Variants in SORCS1 observed in about 807,000 individuals in gnomAD.
The protein encoded by SORCS1 is VPS10 domain-containing receptor SorCS1.
Under a neutral mutation model 146.1 loss-of-function variants are expected in SORCS1, and 60 were observed. The ratio of observed to expected loss-of-function variants is 0.41; its 90% CI spans 0.33 to 0.51. SORCS1 has a LOEUF of 0.51. Among genes scored for constraint, SORCS1 ranks in the 20% least tolerant of loss-of-function variants. SORCS1 has a pLI of 0.21. For missense variants in SORCS1, 1,352 were observed against 1,487.6 expected, an observed-to-expected ratio of 0.91 and a Z score of 1.50; for synonymous variants, 637 against 584.0, an observed-to-expected ratio of 1.09 and a Z score of -1.31.
chr10:107,051,279 C>G (rs1050579926), intron 1 of SORCS1, among the ~76,000 whole-genome samples: 1 of 152,090 alleles, frequency 6.6e-6, no homozygotes, highest in African/African-American at 2.4e-5. Flanking sequence ...TGATGTAATA[C>G]TTCAGATCTT....
intron 1 of SORCS1, among the ~76,000 whole-genome samples, chr10:107,065,758 T>G (rs1590056589): frequency 6.6e-6 from 1 of 152,112 alleles, no homozygotes; most frequent in African/African-American, 2.4e-5. Flanking sequence ...GCTCAAGAGA[T>G]TCACTGGCCT....
At chr10:106,885,612 T>C (rs1363868687) in intron 2 of SORCS1, among the ~76,000 whole-genome samples, 1 of 152,200 alleles carries the variant, frequency 6.6e-6, no homozygotes, top group Non-Finnish European at 1.5e-5. Flanking sequence ...GAAGCAAGGA[T>C]GCTCAATGTA....
At chr10:106,834,919 A>C (rs1444156043) in intron 2 of SORCS1, among the ~76,000 whole-genome samples, 1 of 152,256 alleles carries the variant, frequency 6.6e-6, no homozygotes, top group Non-Finnish European at 1.5e-5. Context: ...TAAGCATTCC[A>C]TGAAAATAAA....
At chr10:107,100,508 C>T (rs370010630) in intron 1 of SORCS1, among the ~76,000 whole-genome samples, 148 of 136,706 alleles carry the variant, frequency 1.1e-3, no homozygotes, top group African/African-American at 3.2e-3. Flanking sequence ...AGCAAGACTC[C>T]GCCTCAAAAA....
chr10:107,140,005 C>A (rs1187252515), intron 1 of SORCS1, among the ~76,000 whole-genome samples: 1 of 152,190 alleles, frequency 6.6e-6, no homozygotes, highest in Non-Finnish European at 1.5e-5. Context: ...GGTTCATGGG[C>A]CTCCAGTGAT....
In SORCS1 at chr10:106,620,443, G is replaced by A. The variant is rs760031717; in HGVS notation, c.2781C>T (p.Tyr927=). The part of the protein sequence containing the change: ...QVGTLTYVWW[Y]GNNTEPLITL... ...GTGAACCCACCTCCGTGTTGTTTCC[G>A]TACCACCACACGTAAGTGAGGGTGC... The change falls in exon 20 of 26, where the codon TAC becomes TAT. Residue 927 remains tyrosine (Y), a synonymous_variant. Coordinates refer to ENST00000263054, the MANE Select transcript of SORCS1 (RefSeq NM_052918.5). 20 of 1,613,074 alleles carry A rather than the reference G, an allele frequency of 1.2e-5. No individual in the cohort carries two copies. The highest frequency in any genetic ancestry group is 4.4e-5 in the South Asian group (4 of 90,982).
intron 3 of SORCS1, among the ~76,000 whole-genome samples, chr10:106,813,320 G>A (rs911493140): frequency 9.9e-5 from 15 of 151,736 alleles, no homozygotes; most frequent in Admixed American, 2.0e-4. Context: ...TTTTAGTAGA[G>A]ACGGGGTTTC....
At chr10:106,917,430 C>T (rs1357238045) in intron 2 of SORCS1, among the ~76,000 whole-genome samples, 2 of 152,302 alleles carry the variant, frequency 1.3e-5, no homozygotes. Flanking sequence ...TGCATCAAGG[C>T]TCTATATCTC....
intron 1 of SORCS1, among the ~76,000 whole-genome samples, chr10:107,159,579 C>T (rs527558735): frequency 6.6e-5 from 10 of 151,950 alleles, no homozygotes; most frequent in Non-Finnish European, 1.2e-4. Context: ...AAAAAACCTC[C>T]GAAAGATATA....
intron 1 of SORCS1, among the ~76,000 whole-genome samples, chr10:106,983,272 A>G (rs1180423612): frequency 6.7e-6 from 1 of 148,664 alleles, no homozygotes; most frequent in Non-Finnish European, 1.5e-5. Context: ...ATATAAATAT[A>G]CATATACATA....
intron 2 of SORCS1, among the ~76,000 whole-genome samples, chr10:106,831,071 T>C (rs767045733): frequency 6.6e-6 from 1 of 151,992 alleles, no homozygotes; most frequent in Non-Finnish European, 1.5e-5. Context: ...CAGTCGTCTA[T>C]AATCCCAGCT....
intron 2 of SORCS1, among the ~76,000 whole-genome samples, chr10:106,921,572 T>C (rs1952713674): frequency 6.6e-6 from 1 of 152,182 alleles, no homozygotes. Flanking sequence ...TAATAACAAA[T>C]GTTATTAAAA....
chr10:106,758,111 TG>T (rs902206037), intron 5 of SORCS1, among the ~76,000 whole-genome samples: 71 of 152,372 alleles, frequency 4.7e-4, no homozygotes, highest in African/African-American at 1.7e-3. Flanking sequence ...TAATGTGTAA[TG>T]GCTTTTATAA....
intron 5 of SORCS1, among the ~76,000 whole-genome samples, chr10:106,738,202 CTTATCT>C (rs1405653881): frequency 6.6e-6 from 1 of 152,068 alleles, no homozygotes; most frequent in Non-Finnish European, 1.5e-5. Flanking sequence ...CAAAGGGATC[CTTATCT>C]TTATCAGTAA....
chr10:107,108,153 G>A (rs1965430498), intron 1 of SORCS1, among the ~76,000 whole-genome samples: 1 of 152,152 alleles, frequency 6.6e-6, no homozygotes, highest in Admixed American at 6.5e-5. Flanking sequence ...CATCTGGAGG[G>A]AAACACACTT....
At chr10:106,587,534 G>C (rs1331663037) in intron 24 of SORCS1, among the ~76,000 whole-genome samples, 1 of 152,186 alleles carries the variant, frequency 6.6e-6, no homozygotes, top group East Asian at 1.9e-4. Context: ...GATGTATCAC[G>C]ACCTAGGTCG....
chr10:106,585,187 G>A (rs1036477065), intron 24 of SORCS1, among the ~76,000 whole-genome samples: 1 of 150,008 alleles, frequency 6.7e-6, no homozygotes, highest in Non-Finnish European at 1.5e-5. Context: ...TCGTGCCACT[G>A]TACTCCAGCC....
intron 3 of SORCS1, among the ~76,000 whole-genome samples, chr10:106,795,561 G>C (rs898430126): frequency 2.0e-5 from 3 of 152,208 alleles, no homozygotes; most frequent in African/African-American, 7.2e-5. Flanking sequence ...CTGGCTAAAA[G>C]AGGGGTAAGA....
At chr10:107,012,767 T>A (rs569904646) in intron 1 of SORCS1, among the ~76,000 whole-genome samples, 2 of 152,330 alleles carry the variant, frequency 1.3e-5, no homozygotes, top group Admixed American at 6.5e-5. Context: ...ACTTTCTTAA[T>A]CCTATAGTTC....
Sources: allele counts gnomAD v4.1 joint callset (sites outside exome capture counted in the v4.1 genomes callset), GRCh38; gene constraint gnomAD v4.1.1; transcripts MANE v1.5; gene names NCBI Gene and HGNC (gene_info 2026-07-23, HGNC 2026-07-21).